Variants in SPON1 observed in about 807,000 individuals in gnomAD.
SPON1 encodes the protein spondin 1.
Under a neutral mutation model 111.7 loss-of-function variants are expected in SPON1, and 52 were observed. The ratio of observed to expected loss-of-function variants is 0.47; its 90% CI spans 0.37 to 0.59. The LOEUF is 0.59. Among genes scored for constraint, SPON1 ranks in the 20% least tolerant of loss-of-function variants. The pLI is 0.00. For missense variants in SPON1, 957 were observed against 1,068.5 expected, an observed-to-expected ratio of 0.90 and a Z score of 1.46; for synonymous variants, 410 against 395.8, an observed-to-expected ratio of 1.04 and a Z score of -0.43.
chr11:13,982,906 G>A lies in SPON1; in HGVS notation c.298G>A (p.Glu100Lys). The A allele has an allele frequency of 6.4e-7, 1 of 1,560,152 alleles. No individual in the cohort carries two copies. Among genetic ancestry groups the A allele is most frequent in the Non-Finnish European group, 8.7e-7 (1 of 1,151,122 alleles). ...FRGFTLIALR[E>K]NREGDKEEDH... ...AGGATTCACATTAATTGCCCTCAGA[G>A]AGAACAGAGAGGGTGATAAGGAAGA... The change falls in exon 2 of 16, where the codon GAG becomes AAG. Residue 100 changes from glutamate (E) to lysine (K), a missense_variant. Transcript: ENST00000576479.
intron 1 of SPON1, among the ~76,000 whole-genome samples, chr11:13,976,112 A>G (rs1848101642): frequency 6.6e-6 from 1 of 152,224 alleles, no homozygotes; most frequent in African/African-American, 2.4e-5. Context: ...TAGATTAAGT[A>G]ATTTACCAGA....
chr11:14,142,142 T>A (rs543336930), intron 6 of SPON1, among the ~76,000 whole-genome samples: 1 of 152,332 alleles, frequency 6.6e-6, no homozygotes, highest in Admixed American at 6.5e-5. Flanking sequence ...TTCTGAGGAC[T>A]AAGTGAGCTG....
chr11:14,184,900 C>T (rs2133888969), intron 6 of SPON1, among the ~76,000 whole-genome samples: 1 of 152,304 alleles, frequency 6.6e-6, no homozygotes, highest in South Asian at 2.1e-4. Context: ...AGAGATCACT[C>T]ATCCTTGAGC....
chr11:14,260,370 G>T (rs1186427232), intron 13 of SPON1, among the ~76,000 whole-genome samples: 1 of 152,120 alleles, frequency 6.6e-6, no homozygotes, highest in African/African-American at 2.4e-5. Context: ...ACCATCGGGG[G>T]GGGTCAGCAG....
chr11:14,035,820 G>T (rs112049997), intron 2 of SPON1, among the ~76,000 whole-genome samples: 1 of 151,922 alleles, frequency 6.6e-6, no homozygotes, highest in Admixed American at 6.6e-5. Context: ...GCCTCACTAC[G>T]TTACCCAGGC....
chr11:14,007,506 A>T (rs931446940), intron 2 of SPON1, among the ~76,000 whole-genome samples: 1 of 150,592 alleles, frequency 6.6e-6, no homozygotes, highest in Non-Finnish European at 1.5e-5. Context: ...ACAGCTAATT[A>T]GATGGTGCCC....
intron 2 of SPON1, among the ~76,000 whole-genome samples, chr11:13,992,209 CTA>C (rs1157413723): frequency 6.6e-6 from 1 of 152,210 alleles, no homozygotes; most frequent in Non-Finnish European, 1.5e-5. Context: ...GGGTTTTTAT[CTA>C]TAAGTCCCTG....
At chr11:14,090,320 C>T (rs1010958240) in intron 5 of SPON1, among the ~76,000 whole-genome samples, 3 of 151,844 alleles carry the variant, frequency 2.0e-5, no homozygotes, top group Admixed American at 1.3e-4. Flanking sequence ...TCTTGGTCTG[C>T]GGATTGCAAA....
intron 6 of SPON1, among the ~76,000 whole-genome samples, chr11:14,136,231 C>A (rs150281299): frequency 6.6e-6 from 1 of 152,266 alleles, no homozygotes; most frequent in East Asian, 1.9e-4. Context: ...GAAGAAGAGC[C>A]ACGTGGCTCA....
chr11:14,060,481 T>C (rs1228113298), intron 3 of SPON1, among the ~76,000 whole-genome samples: 1 of 152,178 alleles, frequency 6.6e-6, no homozygotes, highest in Non-Finnish European at 1.5e-5. Context: ...TTGATCCCTC[T>C]ATACCTCAGC....
intron 6 of SPON1, among the ~76,000 whole-genome samples, chr11:14,219,593 G>A (rs1281352435): frequency 5.3e-5 from 8 of 152,138 alleles, no homozygotes; most frequent in Non-Finnish European, 1.0e-4. Context: ...CACCTATTTG[G>A]GTCATATTGT....
At chr11:14,255,626 C>T (rs782729106) in intron 8 of SPON1, 21 bp from the exon 9 acceptor site, 8 of 1,611,678 alleles carry the variant, frequency 5.0e-6, no homozygotes, top group Admixed American at 3.3e-5. Flanking sequence ...TTACTCTCTA[C>T]CTCTGTATGT....
At chr11:14,205,587 T>C (rs1384615436) in intron 6 of SPON1, among the ~76,000 whole-genome samples, 6 of 152,206 alleles carry the variant, frequency 3.9e-5, no homozygotes, top group Non-Finnish European at 7.4e-5. Flanking sequence ...AATTTATGAT[T>C]GCAACAACAT....
chr11:14,242,063 T>G (rs1848933793), intron 6 of SPON1, among the ~76,000 whole-genome samples: 1 of 152,086 alleles, frequency 6.6e-6, no homozygotes, highest in Non-Finnish European at 1.5e-5. Context: ...CTAAGCCAAC[T>G]TCCTCTGCAC....
At chr11:14,001,598 T>G (rs1346643889) in intron 2 of SPON1, among the ~76,000 whole-genome samples, 1 of 152,162 alleles carries the variant, frequency 6.6e-6, no homozygotes, top group Non-Finnish European at 1.5e-5. Context: ...ATATTGAGAT[T>G]TAATCAAAAG....
intron 5 of SPON1, among the ~76,000 whole-genome samples, chr11:14,124,226 C>A (rs563079032): frequency 6.6e-6 from 1 of 152,222 alleles, no homozygotes; most frequent in Admixed American, 6.5e-5. Context: ...ATGACCTACT[C>A]GTAGTCTTAC....
chr11:14,168,402 T>C (rs1848056184), intron 6 of SPON1, among the ~76,000 whole-genome samples: 1 of 152,226 alleles, frequency 6.6e-6, no homozygotes, highest in Non-Finnish European at 1.5e-5. Context: ...ATTTAAGTGC[T>C]TTTTCTAAGC....
chr11:14,169,346 G>C lies in SPON1; in HGVS notation c.825+33778G>C, dbSNP rs548638683. On this transcript the variant is annotated intron_variant, in intron 6 of 15. Transcript: ENST00000576479. ...TATCCTTCACCCACTTTTTGATGGG[G>C]TTTTTTTTTTCTTGTAAATTTGTTT... 2.7e-5 allele frequency among the ~76,000 whole-genome samples: 4 copies of C among 149,030 alleles called. No homozygotes were observed. The East Asian group carries it at 7.9e-4, about 29-fold the overall frequency.
chr11:13,972,055 T>G (rs919601432), intron 1 of SPON1, among the ~76,000 whole-genome samples: 1 of 152,240 alleles, frequency 6.6e-6, no homozygotes, highest in Non-Finnish European at 1.5e-5. Context: ...TGTGAATAAA[T>G]AGCTGTCATG....
Sources: gnomAD v4.1 joint callset for allele counts (sites outside exome capture counted in the v4.1 genomes callset) on GRCh38, gnomAD v4.1.1 for gene constraint, MANE v1.5 for transcripts, NCBI Gene and HGNC (gene_info 2026-07-23, HGNC 2026-07-21) for gene names.